SUN3: variants seen among roughly 807,000 people sequenced by gnomAD.
SUN3 encodes the protein Sad1 and UNC84 domain containing 3, also known as SUN domain-containing protein 3.
SUN3 carries 36 observed loss-of-function variants against 48.2 expected under a neutral mutation model. The ratio of observed to expected loss-of-function variants is 0.75; its 90% CI spans 0.57 to 0.99. SUN3 has a LOEUF of 0.99. Among genes scored for constraint, SUN3 ranks in the 50% least tolerant of loss-of-function variants. The pLI, the probability that SUN3 is intolerant of heterozygous loss-of-function variation, is 0.00. For missense variants in SUN3, 419 were observed against 433.1 expected, an observed-to-expected ratio of 0.97 and a Z score of 0.29; for synonymous variants, 148 against 147.9, an observed-to-expected ratio of 1.00 and a Z score of 0.00.
rs186012667 is a variant in SUN3 at position 48,010,509 on chromosome 7, A to G, written c.289-1434T>C. Among the ~76,000 whole-genome samples the G allele has an allele frequency of 1.2e-3, 184 of 152,304 alleles. 1 individual carries two copies. Among genetic ancestry groups the G allele is most frequent in the Admixed American group, 4.1e-3 (63 of 15,308 alleles). ...GCAGTATCTTTGACTATGTGCCAAGAAAATAATGTAGATCAGAGTGGAGGA... is the reference window on the plus strand; with the variant it reads ...GCAGTATCTTTGACTATGTGCCAAGGAAATAATGTAGATCAGAGTGGAGGA... On this transcript the variant is annotated intron_variant, in intron 3 of 9. Coordinates refer to ENST00000297325, the MANE Select transcript of SUN3 (RefSeq NM_001030019.2).
At chr7:48,001,324 T>A (rs1300794984) in intron 6 of SUN3, among the ~76,000 whole-genome samples, 1 of 152,156 alleles carries the variant, frequency 6.6e-6, no homozygotes, top group East Asian at 1.9e-4. Context: ...CACTTATAAG[T>A]GAGAACATGT....
intron 3 of SUN3, among the ~76,000 whole-genome samples, chr7:48,016,730 T>A (rs1032342784): frequency 6.6e-6 from 1 of 152,220 alleles, no homozygotes; most frequent in Non-Finnish European, 1.5e-5. Flanking sequence ...TAGGACCTCA[T>A]AGCTATAAAA....
chr7:48,007,924 A>T (rs376082628), intron 4 of SUN3, among the ~76,000 whole-genome samples: 7 of 151,878 alleles, frequency 4.6e-5, no homozygotes, highest in African/African-American at 1.5e-4. Flanking sequence ...CCCGGGTTCA[A>T]GTGATTCTCT....
intron 8 of SUN3, among the ~76,000 whole-genome samples, chr7:47,990,268 A>G (rs530559313): frequency 6.6e-6 from 1 of 152,212 alleles, no homozygotes; most frequent in Non-Finnish European, 1.5e-5. Flanking sequence ...GAGGTAAGAC[A>G]TGCTGGCAGC....
At chr7:48,030,489 T>C (rs148745746), upstream of SUN3, among the ~76,000 whole-genome samples, 1,278 of 152,368 alleles carry the variant, frequency 8.4e-3, 11 homozygotes, top group Middle Eastern at 0.014. Context: ...TAATATTTTA[T>C]AGGTATATTT....
intron 8 of SUN3, among the ~76,000 whole-genome samples, chr7:47,991,953 C>T (rs1017693605): frequency 1.3e-5 from 2 of 152,286 alleles, no homozygotes; most frequent in Middle Eastern, 3.4e-3. Context: ...GCCGGCGCCG[C>T]CCCAGAACCG....
intron 2 of SUN3, among the ~76,000 whole-genome samples, chr7:48,019,977 CAAAAAA>C (rs869166401): frequency 2.2e-3 from 140 of 64,154 alleles, no homozygotes; most frequent in African/African-American, 5.7e-3. Context: ...AAAGACACAT[CAAAAAA>C]AAAAAAAAAA....
At chr7:48,001,352 C>G (rs1478797688) in intron 6 of SUN3, among the ~76,000 whole-genome samples, 1 of 152,034 alleles carries the variant, frequency 6.6e-6, no homozygotes, top group Non-Finnish European at 1.5e-5. Context: ...GTTTTCTATT[C>G]CTGTGTTAGT....
intron 4 of SUN3, among the ~76,000 whole-genome samples, chr7:48,008,633 T>C (rs757928592): frequency 4.6e-5 from 7 of 152,228 alleles, no homozygotes; most frequent in Non-Finnish European, 7.3e-5. Context: ...TCTAAAGTAC[T>C]ACAAATGTTA....
At chr7:48,035,133 T>C in the SUN3 span, among the ~76,000 whole-genome samples, 1 of 152,182 alleles carries the variant, frequency 6.6e-6, no homozygotes, top group African/African-American at 2.4e-5. This position sits in a 1 kb window ranked among gnomAD's most constrained non-coding sequence, Gnocchi z 4.0. Context: ...ACAGTTATAC[T>C]TATTTGGAAA....
At chr7:48,022,912 C>T (rs1048738198) in intron 2 of SUN3, among the ~76,000 whole-genome samples, 2 of 151,886 alleles carry the variant, frequency 1.3e-5, no homozygotes, top group African/African-American at 4.8e-5. Context: ...TATGAGAAAA[C>T]GATTCTCCCA....
chr7:47,997,163 C>A (rs1415202656), intron 6 of SUN3, among the ~76,000 whole-genome samples: 3 of 151,976 alleles, frequency 2.0e-5, no homozygotes, highest in Non-Finnish European at 4.4e-5. Flanking sequence ...CCTAGAGTTG[C>A]CAGATTTGGC....
chr7:48,031,689 C>T (rs1205899257), upstream of SUN3, among the ~76,000 whole-genome samples: 1 of 152,192 alleles, frequency 6.6e-6, no homozygotes, highest in African/African-American at 2.4e-5. Flanking sequence ...AGCAATCCCA[C>T]TTCTGGGTAT....
chr7:48,007,096 C>T, intron 5 of SUN3, 69 bp downstream of exon 5: 1 of 1,477,356 alleles, frequency 6.8e-7, no homozygotes, highest in Non-Finnish European at 9.2e-7. Flanking sequence ...ATACTCACTC[C>T]CCGTCACCCT....
At position 47,996,156 on chromosome 7, in the gene SUN3, T is replaced by C; in HGVS notation, c.578-10A>G. ...TCAATGATGGAGGCTCCTAAAATTA[T>C]AAAGTAAGTTGTAAAATAAAGAAAC... On this transcript the variant is annotated splice_polypyrimidine_tract_variant and intron_variant, in intron 6 of 9. Coordinates refer to ENST00000297325, the MANE Select transcript of SUN3 (RefSeq NM_001030019.2). The C allele has an allele frequency of 1.4e-6, 2 of 1,419,696 alleles. No individual in the cohort carries two copies. Among genetic ancestry groups the C allele is most frequent in the South Asian group, 1.3e-5 (1 of 79,044 alleles). The allele number at this position is 1,419,696 out of a possible 1,614,324, so 87.9% of individuals were successfully genotyped here.
chr7:48,009,150 AG>A (rs1562607065), intron 3 of SUN3, 75 bp from the exon 4 acceptor site: 2 of 1,459,424 alleles, frequency 1.4e-6, no homozygotes, highest in Non-Finnish European at 1.9e-6. Context: ...TTCTCAGAAA[AG>A]GGAAATAAAT....
At chr7:47,997,757 G>T (rs773366512) in intron 6 of SUN3, among the ~76,000 whole-genome samples, 6 of 152,220 alleles carry the variant, frequency 3.9e-5, no homozygotes, top group Non-Finnish European at 8.8e-5. Context: ...CCCAAGCCTT[G>T]GCAATTATTA....
At chr7:48,000,886 G>T in intron 6 of SUN3, among the ~76,000 whole-genome samples, 1 of 130,248 alleles carries the variant, frequency 7.7e-6, no homozygotes. Context: ...TTTTTAAATC[G>T]AGTTTGAGAT....
the SUN3 span, among the ~76,000 whole-genome samples, chr7:48,034,714 G>T: frequency 1.3e-5 from 2 of 152,314 alleles, no homozygotes; most frequent in Middle Eastern, 6.8e-3. Context: ...TCATTCCCAT[G>T]AAGCACCATT....
Sources: allele counts gnomAD v4.1 joint callset (sites outside exome capture counted in the v4.1 genomes callset), GRCh38; gene constraint gnomAD v4.1.1; non-coding constraint Gnocchi (gnomAD v3.1); transcripts MANE v1.5; gene names NCBI Gene and HGNC (gene_info 2026-07-23, HGNC 2026-07-21).